Variants in NUMA1 observed in about 807,000 individuals in gnomAD.
The protein encoded by NUMA1 is SP-H antigen.
In NUMA1, 62 loss-of-function variants were observed where a neutral mutation model predicts 237.1. That is an observed-to-expected ratio of 0.26 (90% CI 0.21 to 0.32). The LOEUF (loss-of-function observed/expected upper bound fraction) is 0.32, where lower values mean the gene tolerates loss of function less well. Among genes scored for constraint, NUMA1 ranks in the 10% least tolerant of loss-of-function variants. NUMA1 has a pLI of 1.00. For missense variants in NUMA1, 2,533 were observed against 2,666.5 expected (o/e 0.95, Z 1.10); for synonymous variants, 1,028 against 1,066.1 (o/e 0.96, Z 0.70).
Position 72,004,001 on chromosome 11 carries a change from G to A in NUMA1, c.6222C>T (p.Ser2074=), listed in dbSNP as rs1955475713. Residue 2074 remains serine, a synonymous_variant, in exon 26 of 27, where the codon TCC becomes TCT. Coordinates refer to ENST00000393695, the MANE Select transcript of NUMA1 (RefSeq NM_006185.4). ...LRRGASKKAL[S]KASPNTRSGT... ...CACTGCGAGTGTTGGGGGAAGCCTTGGACAGGGCCTTCTTTGAGGCTCCCC... is the reference window on the plus strand; with the variant it reads ...CACTGCGAGTGTTGGGGGAAGCCTTAGACAGGGCCTTCTTTGAGGCTCCCC... 1 of 1,613,428 alleles carries A rather than the reference G, an allele frequency of 6.2e-7. No homozygotes were observed. Among genetic ancestry groups the A allele is most frequent in the Non-Finnish European group, 8.5e-7 (1 of 1,179,708 alleles).
At chr11:72,055,240 AG>A (rs1183588522) in intron 2 of NUMA1, among the ~76,000 whole-genome samples, 2 of 152,270 alleles carry the variant, frequency 1.3e-5, no homozygotes, top group Admixed American at 1.3e-4. Flanking sequence ...CCCATTTACA[AG>A]GTATTTCCTG....
chr11:72,005,987 C>T lies in NUMA1; in HGVS notation c.5692+48G>A, dbSNP rs754690701. ...CCTCTTTTCCCTGTGCCACGATCCA[C>T]CTTCCAGTCTAATTTTGGGGTATAG... is the stretch of plus-strand genomic sequence containing the variant. On this transcript the variant is annotated intron_variant, in intron 22 of 26. Transcript: ENST00000393695. 6.2e-6 allele frequency: 9 copies of T among 1,441,882 alleles called. No homozygotes were observed. In the South Asian group the frequency reaches 1.1e-4, roughly 18 times the overall value. 89.3% of individuals were successfully genotyped at this position (1,441,882 alleles called of 1,614,324 possible).
In NUMA1 at chr11:72,007,338, T is replaced by C. The variant is rs1955800829; in HGVS notation, c.5314A>G (p.Ser1772Gly). 6.2e-7 allele frequency: 1 copy of C among 1,613,282 alleles called. No individual in the cohort carries two copies. The highest frequency in any genetic ancestry group is 1.3e-5 in the African/African-American group (1 of 74,800). The change falls in exon 21 of 27, where the codon AGT becomes GGT. Residue 1772 changes from serine (S) to glycine (G), a missense_variant. Ser to Gly is a moderately conservative substitution (Grantham distance 56). Transcript: ENST00000393695. ...RLPPKVESLE[S>G]LYFTPIPARS... ...GCAGGGATGGGAGTGAAGTAGAGACTCTCCAGGGATTCTACCTTGGGGGGC... is the reference window on the plus strand; with the variant it reads ...GCAGGGATGGGAGTGAAGTAGAGACCCTCCAGGGATTCTACCTTGGGGGGC...
At chr11:72,038,691 G>A (rs534088802) in intron 2 of NUMA1, among the ~76,000 whole-genome samples, 218 of 152,094 alleles carry the variant, frequency 1.4e-3, no homozygotes, top group Middle Eastern at 3.4e-3. Flanking sequence ...ACTGGGTGAT[G>A]CTGATGGAAA....
chr11:72,008,519 G>A, intron 20 of NUMA1, 169 bp downstream of exon 20: 1 of 747,260 alleles, frequency 1.3e-6, no homozygotes, highest in Non-Finnish European at 2.2e-6. Flanking sequence ...TTGACCACTT[G>A]CTTTTTATTC....
Position 72,015,366 on chromosome 11 carries a change from C to T in NUMA1, c.2137G>A (p.Val713Ile), listed in dbSNP as rs551856290. Residue 713 changes from valine (V) to isoleucine (I), a missense_variant, in exon 15 of 27, where the codon GTC (valine) becomes ATC (isoleucine). This residue lies in a region of NUMA1 where 1,414 missense variants were observed against 1,508.1 expected (regional missense o/e 0.94). Transcript: ENST00000393695. The surrounding 1 kb of genome is among the most constrained non-coding windows in gnomAD (Gnocchi z 4.0). Reference protein sequence around the residue: ...QLQALKESLKVTKGSLEEEKR... With the variant: ...QLQALKESLKITKGSLEEEKR... ...TCCTCTTCAAGGCTGCCCTTGGTGA[C>T]CTTCAAGGACTCTTTGAGGGCCTGG... The T allele has an allele frequency of 6.2e-7, 1 of 1,612,854 alleles. No individual in the cohort carries two copies. Among genetic ancestry groups the T allele is most frequent in the Admixed American group, 1.7e-5 (1 of 60,034 alleles).
At chr11:72,016,852 C>G (rs1030957457) in intron 13 of NUMA1, 10 of 237,136 alleles carry the variant, frequency 4.2e-5, no homozygotes, top group Non-Finnish European at 8.2e-5. Context: ...TCACCACCAG[C>G]TGCCCACCAT....
Position 72,018,934 on chromosome 11 carries a change from T to A in NUMA1, c.631A>T (p.Thr211Ser). ...AGCCGTCTCATCTGGAACTGTGGGG[T>A]CTGCAGGATATCACCCATGGGAGAA... is the stretch of plus-strand genomic sequence containing the variant. Reference protein sequence around the residue: ...PASPMGDILQTPQFQMRRLKK... With the variant: ...PASPMGDILQSPQFQMRRLKK... The change falls in exon 10 of 27, where the codon ACC becomes TCC. Residue 211 changes from threonine (T) to serine (S), a missense_variant. Around this residue, in one of 3 missense-constraint regions of NUMA1, gnomAD observed 1,414 missense variants for 1,508.1 expected, o/e 0.94. Transcript: ENST00000393695. 6.2e-7 allele frequency: 1 copy of A among 1,613,728 alleles called. No homozygotes were observed. The highest frequency in any genetic ancestry group is 8.5e-7 in the Non-Finnish European group (1 of 1,179,936).
intron 4 of NUMA1, among the ~76,000 whole-genome samples, chr11:72,028,036 A>T (rs1447036677): frequency 1.3e-5 from 2 of 152,210 alleles, no homozygotes; most frequent in Non-Finnish European, 2.9e-5. Context: ...AGCCATATGG[A>T]ATATTAAAAA....
rs1236703588 is a variant in NUMA1 at position 72,016,814 on chromosome 11, A to G, written c.1120-284T>C. ...TTCCTTACCGTATACCCTTCCTCAG[A>G]TAAGTCTTGAGTCCTAGATTATCCA... On this transcript the variant is annotated intron_variant, in intron 13 of 26. Coordinates refer to ENST00000393695, the MANE Select transcript of NUMA1 (RefSeq NM_006185.4). 1.7e-5 allele frequency: 6 copies of G among 359,840 alleles called. No homozygotes were observed. The East Asian group carries it at 1.8e-4, about 11-fold the overall frequency. 22.3% of individuals were successfully genotyped at this position (359,840 alleles called of 1,614,324 possible).
intron 2 of NUMA1, among the ~76,000 whole-genome samples, chr11:72,046,183 G>A (rs1406946850): frequency 6.6e-6 from 1 of 152,248 alleles, no homozygotes; most frequent in African/African-American, 2.4e-5. Context: ...GCAGCAGGCG[G>A]CCACATGGCT....
chr11:72,047,486 CA>C (rs61177856), intron 2 of NUMA1, among the ~76,000 whole-genome samples: 134,685 of 151,322 alleles, frequency 0.89, 60,151 homozygotes, highest in Non-Finnish European at 0.94. Flanking sequence ...AGACACGTCT[CA>C]AAAAAAAACA....
At chr11:72,044,945 T>C (rs1941911186) in intron 2 of NUMA1, among the ~76,000 whole-genome samples, 1 of 152,178 alleles carries the variant, frequency 6.6e-6, no homozygotes, top group Non-Finnish European at 1.5e-5. Flanking sequence ...ATTACAGGTG[T>C]GAGCCACTGT....
At chr11:72,031,989 AGAG>A (rs765189198) in intron 3 of NUMA1, among the ~76,000 whole-genome samples, 6 of 78,832 alleles carry the variant, frequency 7.6e-5, no homozygotes, top group African/African-American at 4.1e-4. Context: ...AAAAAAAAAA[AGAG>A]AGAGAAAGGA....
intron 3 of NUMA1, among the ~76,000 whole-genome samples, chr11:72,032,165 A>C (rs1940425447): frequency 6.6e-6 from 1 of 152,226 alleles, no homozygotes; most frequent in Non-Finnish European, 1.5e-5. Context: ...TATCTCAAAA[A>C]GCGGAATCTT....
chr11:72,068,547 A>C (rs1324173741), intron 2 of NUMA1: 1 of 152,212 alleles, frequency 6.6e-6, no homozygotes, highest in Non-Finnish European at 1.5e-5. Flanking sequence ...CTTGAACCCG[A>C]GAGGTGGAGG....
intron 2 of NUMA1, among the ~76,000 whole-genome samples, chr11:72,052,950 C>T (rs923418469): frequency 7.2e-5 from 11 of 152,132 alleles, no homozygotes; most frequent in Non-Finnish European, 1.5e-4. Flanking sequence ...TGGTAAGACA[C>T]AGGAGGAAGG....
At chr11:72,008,116 T>A in intron 20 of NUMA1, 1 of 479,536 alleles carries the variant, frequency 2.1e-6, no homozygotes, top group Non-Finnish European at 4.2e-6. Flanking sequence ...GGGGGACAAA[T>A]CAGGTATAAT....
intron 16 of NUMA1, 112 bp downstream of exon 16, chr11:72,012,289 T>C: frequency 1.9e-6 from 2 of 1,037,522 alleles, no homozygotes; most frequent in East Asian, 2.4e-5. Flanking sequence ...CCCTGCCCCC[T>C]TCACAAACAG....
Sources: allele counts gnomAD v4.1 joint callset (sites outside exome capture counted in the v4.1 genomes callset), GRCh38; gene constraint gnomAD v4.1.1; regional missense constraint gnomAD v4.1.1; non-coding constraint Gnocchi (gnomAD v3.1); transcripts MANE v1.5; gene names NCBI Gene and HGNC (gene_info 2026-07-23, HGNC 2026-07-21).